The following TMEM108 variants were observed in gnomAD, a reference collection of about 807,000 sequenced individuals.
TMEM108 encodes cancer/testis antigen 124.
A neutral mutation model predicts 35.1 loss-of-function variants in TMEM108; 12 were observed. That is an observed-to-expected ratio of 0.34 (90% CI 0.22 to 0.55). TMEM108 has a LOEUF of 0.55. Among genes scored for constraint, TMEM108 ranks in the 20% least tolerant of loss-of-function variants. The pLI, the probability that TMEM108 is intolerant of heterozygous loss-of-function variation, is 0.89. For missense variants in TMEM108, 680 were observed against 753.3 expected, an observed-to-expected ratio of 0.90 and a Z score of 1.14; for synonymous variants, 287 against 308.6, an observed-to-expected ratio of 0.93 and a Z score of 0.73.
At chr3:133,188,537 C>A (rs1207245376) in intron 2 of TMEM108, among the ~76,000 whole-genome samples, 1 of 151,628 alleles carries the variant, frequency 6.6e-6, no homozygotes, top group African/African-American at 2.4e-5. Context: ...AAAATTACTT[C>A]CTTGGACCAT....
At chr3:133,390,390 C>A in intron 5 of TMEM108, 56 bp downstream of exon 5, 1 of 1,591,062 alleles carries the variant, frequency 6.3e-7, no homozygotes, top group Non-Finnish European at 8.6e-7. Context: ...CAAAGAGAGC[C>A]ATGGGGCATC....
intron 3 of TMEM108, among the ~76,000 whole-genome samples, chr3:133,243,883 C>G (rs1430056743): frequency 6.6e-6 from 1 of 152,100 alleles, no homozygotes; most frequent in African/African-American, 2.4e-5. Context: ...ACCTAGAACC[C>G]TGAGACCAAG....
rs1399340460 is a variant in TMEM108 at position 133,386,304 on chromosome 3, T to C, written c.1451-3876T>C. 2.6e-6 allele frequency: 3 copies of C among 1,140,688 alleles called. No individual in the cohort carries two copies. In the African/African-American group the frequency reaches 4.6e-5, roughly 18 times the overall value. The allele number at this position is 1,140,688 out of a possible 1,614,324, so 70.7% of individuals were successfully genotyped here. A position where few individuals can be genotyped will look rare whatever the true frequency, so the allele number is the denominator to read the frequency against. On this transcript the variant is annotated intron_variant, in intron 4 of 5. Transcript: ENST00000321871. ...AAACAGTGATGATTATTCATCTTAT[T>C]GTTTTTAAGATTTGCAATGCCTGCT...
At chr3:133,235,791 G>A (rs904009578) in intron 3 of TMEM108, among the ~76,000 whole-genome samples, 8 of 152,174 alleles carry the variant, frequency 5.3e-5, no homozygotes, top group Non-Finnish European at 1.2e-4. Context: ...TGTAAGGCAA[G>A]TGGGGCATTA....
intron 2 of TMEM108, among the ~76,000 whole-genome samples, chr3:133,058,656 G>C (rs1392630422): frequency 6.6e-6 from 1 of 152,248 alleles, no homozygotes; most frequent in Admixed American, 6.5e-5. Flanking sequence ...CAAGGGCAAA[G>C]CCCTGTTTCA....
intron 2 of TMEM108, among the ~76,000 whole-genome samples, chr3:133,219,609 G>C (rs1048937369): frequency 6.6e-6 from 1 of 151,744 alleles, no homozygotes; most frequent in African/African-American, 2.4e-5. Flanking sequence ...GTTGCTCAGG[G>C]GCATGTTGTT....
intron 3 of TMEM108, among the ~76,000 whole-genome samples, chr3:133,329,388 T>A (rs1327465987): frequency 6.6e-6 from 1 of 152,234 alleles, no homozygotes; most frequent in Non-Finnish European, 1.5e-5. Flanking sequence ...GACACATTAC[T>A]GCTTCAGTTC....
At chr3:133,304,369 G>A (rs1485177499) in intron 3 of TMEM108, among the ~76,000 whole-genome samples, 2 of 151,996 alleles carry the variant, frequency 1.3e-5, no homozygotes, top group South Asian at 2.1e-4. Flanking sequence ...ATTGCATATC[G>A]TCAAATTTAC....
chr3:133,154,761 A>T (rs974203634), intron 2 of TMEM108, among the ~76,000 whole-genome samples: 4 of 152,188 alleles, frequency 2.6e-5, no homozygotes, highest in Non-Finnish European at 5.9e-5. Flanking sequence ...ACCTAATGCT[A>T]AATGAAGAGT....
chr3:133,311,611 T>C (rs1258550958), intron 3 of TMEM108, among the ~76,000 whole-genome samples: 1 of 152,208 alleles, frequency 6.6e-6, no homozygotes, highest in Non-Finnish European at 1.5e-5. Context: ...TAGCCATTCA[T>C]CTAACCTTTT....
intron 2 of TMEM108, among the ~76,000 whole-genome samples, chr3:133,228,189 T>TA (rs397732892): frequency 0.56 from 82,370 of 147,534 alleles, 22,726 homozygotes; most frequent in African/African-American, 0.61. Context: ...TATATCTCAG[T>TA]AAAAAAAAAA....
rs369228472 is a variant in TMEM108, at chr3:133,181,008, TAAAAAAAAAAAAAAA to T, written c.-46-48242_-46-48228del. Among the ~76,000 whole-genome samples, 28 of 75,854 alleles carry T rather than the reference TAAAAAAAAAAAAAAA, an allele frequency of 3.7e-4. 1 individual carries two copies. The highest frequency in any genetic ancestry group is 1.2e-3 in the Admixed American group (8 of 6,668). The allele number at this position is 75,854 out of a possible 152,430, so 49.8% of individuals were successfully genotyped here. Reference sequence around the variant, plus strand: ...TGTACTGGCTATTGGGCAGTTGTGTTAAAAAAAAAAAAAAAAAAAAAAAAAAAAAACAGCACTCCC... The same window carrying T: ...TGTACTGGCTATTGGGCAGTTGTGTTAAAAAAAAAAAAAAACAGCACTCCC... On this transcript the variant is annotated intron_variant, in intron 2 of 5. Transcript: ENST00000321871.
At chr3:133,385,479 G>C (rs551291744) in intron 4 of TMEM108, among the ~76,000 whole-genome samples, 12 of 152,118 alleles carry the variant, frequency 7.9e-5, no homozygotes, top group Admixed American at 7.9e-4. Context: ...AAGCCCCCCA[G>C]CCTGACCTCC....
At chr3:133,094,241 C>CT (rs1334338249) in intron 2 of TMEM108, among the ~76,000 whole-genome samples, 1 of 127,704 alleles carries the variant, frequency 7.8e-6, no homozygotes, top group Non-Finnish European at 1.7e-5. Flanking sequence ...CCACCCCCCC[C>CT]ACACACACGA....
chr3:133,082,608 A>G (rs972300402), intron 2 of TMEM108, among the ~76,000 whole-genome samples: 30 of 152,074 alleles, frequency 2.0e-4, no homozygotes, highest in Admixed American at 7.2e-4. Flanking sequence ...AGTATATTAT[A>G]TGGTCACTTG....
At chr3:133,195,207 A>G (rs1286691780) in intron 2 of TMEM108, among the ~76,000 whole-genome samples, 1 of 152,190 alleles carries the variant, frequency 6.6e-6, no homozygotes, top group African/African-American at 2.4e-5. Flanking sequence ...GTCTAATGTA[A>G]TACTTGTAAT....
intron 2 of TMEM108, among the ~76,000 whole-genome samples, chr3:133,152,921 A>G (rs768076059): frequency 6.6e-6 from 1 of 152,136 alleles, no homozygotes; most frequent in Non-Finnish European, 1.5e-5. Context: ...ATTTCAGGCT[A>G]GAGTCCTACC....
intron 2 of TMEM108, among the ~76,000 whole-genome samples, chr3:133,055,129 T>C (rs1199772875): frequency 1.3e-5 from 2 of 152,204 alleles, no homozygotes; most frequent in African/African-American, 2.4e-5. Context: ...GTATTGAATT[T>C]TTAAAAATAA....
chr3:133,200,634 A>C (rs1559866058), intron 2 of TMEM108, among the ~76,000 whole-genome samples: 1 of 152,184 alleles, frequency 6.6e-6, no homozygotes, highest in Non-Finnish European at 1.5e-5. Context: ...GAGCCTAAGA[A>C]GCATTGCCCA....
Sources: gnomAD v4.1 joint callset for allele counts (sites outside exome capture counted in the v4.1 genomes callset) on GRCh38, gnomAD v4.1.1 for gene constraint, MANE v1.5 for transcripts, NCBI Gene and HGNC (gene_info 2026-07-23, HGNC 2026-07-21) for gene names.